Variants in CCDC102B observed in about 807,000 individuals in gnomAD.
The protein encoded by CCDC102B is coiled-coil domain-containing protein 102B.
CCDC102B carries 75 observed loss-of-function variants against 57.4 expected under a neutral mutation model. The observed-to-expected ratio is 1.31, with a 90% CI of 1.08 to 1.58. The LOEUF is 1.58. CCDC102B is among the 40% of genes most tolerant of loss of function. The probability of loss-of-function intolerance (pLI) is 0.00; values close to 1 mark genes in which losing one functional copy is unlikely to be tolerated. For missense variants in CCDC102B, 636 were observed against 582.6 expected (o/e 1.09, Z -0.94); for synonymous variants, 206 against 201.9 (o/e 1.02, Z -0.17).
chr18:68,769,807 G>C (rs933967300), intron 2 of CCDC102B, among the ~76,000 whole-genome samples: 2 of 152,184 alleles, frequency 1.3e-5, no homozygotes, highest in African/African-American at 4.8e-5. Context: ...GAGATAGAAT[G>C]GGAACAGATT....
At chr18:68,957,773 T>C (rs2049940744) in intron 6 of CCDC102B, among the ~76,000 whole-genome samples, 1 of 152,156 alleles carries the variant, frequency 6.6e-6, no homozygotes, top group African/African-American at 2.4e-5. Context: ...CATTTTTTGG[T>C]ATCCTATTAC....
At chr18:68,969,715 A>G (rs2050254336) in intron 6 of CCDC102B, among the ~76,000 whole-genome samples, 1 of 151,816 alleles carries the variant, frequency 6.6e-6, no homozygotes, top group African/African-American at 2.4e-5. Context: ...TTTTTTCTCC[A>G]ATTTCATAGT....
At chr18:69,013,924 G>T (rs920958562) in intron 7 of CCDC102B, among the ~76,000 whole-genome samples, 2 of 152,112 alleles carry the variant, frequency 1.3e-5, no homozygotes, top group Non-Finnish European at 2.9e-5. Flanking sequence ...GAGCTTTGTG[G>T]CAAGGACCAA....
At chr18:68,857,905 C>T (rs2032218) in intron 4 of CCDC102B, among the ~76,000 whole-genome samples, 55,158 of 152,054 alleles carry the variant, frequency 0.36, 10,674 homozygotes, top group East Asian at 0.66. Flanking sequence ...TCGTTACACT[C>T]TGAAGTTTTT....
chr18:68,979,789 A>G (rs1028466384), intron 6 of CCDC102B, among the ~76,000 whole-genome samples: 1 of 151,914 alleles, frequency 6.6e-6, no homozygotes, highest in Non-Finnish European at 1.5e-5. Flanking sequence ...GGCAGGTTCA[A>G]CCTCCATTCT....
chr18:68,741,004 C>A (rs1335948700), intron 2 of CCDC102B, among the ~76,000 whole-genome samples: 1 of 152,134 alleles, frequency 6.6e-6, no homozygotes, highest in African/African-American at 2.4e-5. Context: ...GAAATAAAAT[C>A]AAAGAGTAAT....
At chr18:68,755,434 T>C (rs906552105) in intron 2 of CCDC102B, among the ~76,000 whole-genome samples, 26 of 152,292 alleles carry the variant, frequency 1.7e-4, no homozygotes, top group East Asian at 5.8e-4. Flanking sequence ...AAAAATTCCA[T>C]GCTTCAAAAG....
chr18:68,888,086 TTAAAAGA>T (rs2039951151), intron 5 of CCDC102B, among the ~76,000 whole-genome samples: 1 of 152,168 alleles, frequency 6.6e-6, no homozygotes, highest in African/African-American at 2.4e-5. Context: ...GACAGTAACC[TTAAAAGA>T]TAAAAGATAG....
chr18:68,894,082 C>T (rs1185542921), intron 5 of CCDC102B, among the ~76,000 whole-genome samples: 1 of 151,978 alleles, frequency 6.6e-6, no homozygotes, highest in African/African-American at 2.4e-5. Context: ...TGATTTATTG[C>T]AGGCCTTTCT....
At chr18:69,043,444 G>A (rs189046625) in intron 7 of CCDC102B, among the ~76,000 whole-genome samples, 4 of 151,964 alleles carry the variant, frequency 2.6e-5, no homozygotes, top group African/African-American at 7.2e-5. Context: ...CCCTTCCCAC[G>A]AGACCATATT....
At chr18:68,856,599 C>T (rs1599574515) in intron 4 of CCDC102B, among the ~76,000 whole-genome samples, 1 of 152,118 alleles carries the variant, frequency 6.6e-6, no homozygotes, top group African/African-American at 2.4e-5. Context: ...GTGCACAGCC[C>T]CACTAACATT....
intron 5 of CCDC102B, among the ~76,000 whole-genome samples, chr18:68,890,915 T>C (rs2040053308): frequency 6.6e-6 from 1 of 152,174 alleles, no homozygotes; most frequent in Non-Finnish European, 1.5e-5. Flanking sequence ...TGCTAATATA[T>C]TCTTATGTAA....
intron 1 of CCDC102B, among the ~76,000 whole-genome samples, chr18:68,816,342 C>T (rs1264790922): frequency 6.6e-6 from 1 of 152,060 alleles, no homozygotes; most frequent in Non-Finnish European, 1.5e-5. Context: ...TAGGTAAAAT[C>T]ACTCCAGTTT....
At chr18:68,796,783 A>G (rs374486404), upstream of CCDC102B, among the ~76,000 whole-genome samples, 11 of 150,104 alleles carry the variant, frequency 7.3e-5, no homozygotes, top group East Asian at 1.2e-3. Context: ...GTAGATGTCA[A>G]CTAGAAGGAT....
At chr18:68,921,505 G>A (rs776346298) in intron 6 of CCDC102B, among the ~76,000 whole-genome samples, 1 of 152,134 alleles carries the variant, frequency 6.6e-6, no homozygotes, top group Non-Finnish European at 1.5e-5. Flanking sequence ...AGTTAACATC[G>A]CATATATAGA....
At chr18:68,889,477 TG>T (rs1189452552) in intron 5 of CCDC102B, among the ~76,000 whole-genome samples, 1 of 152,186 alleles carries the variant, frequency 6.6e-6, no homozygotes, top group African/African-American at 2.4e-5. Context: ...TGGAGTGCAA[TG>T]GTGCAGTCTC....
At chr18:68,956,548 TAA>T (rs1176451455) in intron 6 of CCDC102B, among the ~76,000 whole-genome samples, 18 of 1,710 alleles carry the variant, frequency 0.011, 1 homozygote, top group East Asian at 0.1. Context: ...TTTATATATA[TAA>T]ATATTATATA....
chr18:68,923,071 C>T (rs1250340640), intron 6 of CCDC102B, among the ~76,000 whole-genome samples: 2 of 151,962 alleles, frequency 1.3e-5, no homozygotes, highest in African/African-American at 4.8e-5. Flanking sequence ...CCTGTTTCCT[C>T]CTTTATATTA....
At chr18:68,910,709 A>C (rs1462285544) in intron 6 of CCDC102B, among the ~76,000 whole-genome samples, 1 of 152,194 alleles carries the variant, frequency 6.6e-6, no homozygotes, top group East Asian at 1.9e-4. Context: ...CTAATTTAAA[A>C]AGCAACTCAT....
Sources: allele counts gnomAD v4.1 joint callset (sites outside exome capture counted in the v4.1 genomes callset), GRCh38; gene constraint gnomAD v4.1.1; transcripts MANE v1.5; gene names NCBI Gene and HGNC (gene_info 2026-07-23, HGNC 2026-07-21).